Variants in CNTN4 observed in about 807,000 individuals in gnomAD.
CNTN4 encodes the protein contactin-4.
CNTN4 carries 77 observed loss-of-function variants against 122.5 expected under a neutral mutation model. That is an observed-to-expected ratio of 0.63 (90% confidence interval 0.52 to 0.76). CNTN4 has a LOEUF of 0.76. Among genes scored for constraint, CNTN4 ranks in the 30% least tolerant of loss-of-function variants. The pLI, the probability that CNTN4 is intolerant of heterozygous loss-of-function variation, is 0.00. For missense variants in CNTN4, 1,256 were observed against 1,259.1 expected (o/e 1.00, Z 0.04); for synonymous variants, 512 against 447.0 (o/e 1.15, Z -1.83).
intron 4 of CNTN4, among the ~76,000 whole-genome samples, chr3:2,698,039 C>T (rs972223525): frequency 8.5e-5 from 13 of 152,276 alleles, no homozygotes; most frequent in Middle Eastern, 3.4e-3. Flanking sequence ...GATAGCCAAG[C>T]CAAGTTAACA....
chr3:2,232,064 TA>T (rs971807944), intron 2 of CNTN4, among the ~76,000 whole-genome samples: 1 of 152,112 alleles, frequency 6.6e-6, no homozygotes, highest in Non-Finnish European at 1.5e-5. Context: ...GTACTTTTCT[TA>T]AACCTTCGTG....
At chr3:2,260,062 GGCTACAATTACAGTTTTGTATAATT>G (rs1278137497) in intron 2 of CNTN4, among the ~76,000 whole-genome samples, 1 of 152,010 alleles carries the variant, frequency 6.6e-6, no homozygotes, top group Non-Finnish European at 1.5e-5. Flanking sequence ...TAAGATCCTT[GGCTACAATTACAGTTTTGTATAATT>G]TAGAGAGCAC....
chr3:2,962,915 C>T (rs1290180007), intron 13 of CNTN4, among the ~76,000 whole-genome samples: 3 of 152,190 alleles, frequency 2.0e-5, no homozygotes, highest in Non-Finnish European at 2.9e-5. Context: ...TCCTTAGCTG[C>T]CCTCTTAGTT....
chr3:2,472,794 TAG>T, intron 3 of CNTN4, among the ~76,000 whole-genome samples: 1 of 152,314 alleles, frequency 6.6e-6, no homozygotes, highest in Admixed American at 6.5e-5. Context: ...GAAGAAGTTG[TAG>T]AGAGAACCAT....
Position 2,916,539 on chromosome 3 carries a change from C to G in CNTN4, c.1208-9090C>G, listed in dbSNP as rs145555186. On this transcript the variant is annotated intron_variant, in intron 12 of 24. Coordinates refer to ENST00000418658, the MANE Select transcript of CNTN4 (RefSeq NM_175607.3). Reference sequence around the variant, plus strand: ...TGGGGGTAAGGCCATAGATTAACAGCATCCCAAGGCAGAAGAATTTTTCTT... The same window carrying G: ...TGGGGGTAAGGCCATAGATTAACAGGATCCCAAGGCAGAAGAATTTTTCTT... Among the ~76,000 whole-genome samples, 1,366 of 142,010 alleles carry G rather than the reference C, an allele frequency of 9.6e-3. 11 individuals carry two copies. The highest frequency in any genetic ancestry group is 0.056 in the Middle Eastern group (16 of 288). 93.2% of individuals were successfully genotyped at this position (142,010 alleles called of 152,430 possible). A position where few individuals can be genotyped will look rare whatever the true frequency, so the allele number is the denominator to read the frequency against.
intron 7 of CNTN4, among the ~76,000 whole-genome samples, chr3:2,848,657 C>G (rs2093496432): frequency 1.3e-5 from 2 of 152,252 alleles, no homozygotes; most frequent in African/African-American, 4.8e-5. Context: ...TAGGATCTCT[C>G]TATCATCTCT....
intron 6 of CNTN4, among the ~76,000 whole-genome samples, chr3:2,804,340 G>C (rs1202722246): frequency 6.6e-6 from 1 of 152,076 alleles, no homozygotes; most frequent in Non-Finnish European, 1.5e-5. Context: ...AAAACCATCA[G>C]GTTATCTGGA....
intron 3 of CNTN4, among the ~76,000 whole-genome samples, chr3:2,490,615 C>T (rs970264452): frequency 1.3e-5 from 2 of 152,148 alleles, no homozygotes; most frequent in African/African-American, 4.8e-5. Context: ...TATTTGTGCA[C>T]TAAGCAACAT....
intron 3 of CNTN4, among the ~76,000 whole-genome samples, chr3:2,370,260 A>C (rs759010591): frequency 2.0e-5 from 3 of 152,204 alleles, no homozygotes; most frequent in Admixed American, 1.3e-4. Context: ...ATACAAGCCC[A>C]GTGTTAGCTA....
chr3:2,648,686 C>T (rs566278874), intron 4 of CNTN4, among the ~76,000 whole-genome samples: 29 of 152,200 alleles, frequency 1.9e-4, no homozygotes, highest in South Asian at 1.7e-3. Context: ...CTAACCCCAC[C>T]GTGGCCCCTA....
chr3:2,757,571 C>A (rs1266997396), intron 6 of CNTN4, among the ~76,000 whole-genome samples: 2 of 152,190 alleles, frequency 1.3e-5, no homozygotes, highest in Non-Finnish European at 2.9e-5. Flanking sequence ...CCCAGAAAGT[C>A]CCTGTGCTAG....
intron 3 of CNTN4, among the ~76,000 whole-genome samples, chr3:2,383,321 G>C (rs184482108): frequency 3.1e-4 from 47 of 152,226 alleles, no homozygotes; most frequent in Admixed American, 1.2e-3. Context: ...ACAGTAATGA[G>C]TAACCATTTA....
intron 2 of CNTN4, among the ~76,000 whole-genome samples, chr3:2,229,665 GAGTA>G (rs2039412774): frequency 6.6e-6 from 1 of 151,380 alleles, no homozygotes; most frequent in Admixed American, 6.6e-5. Flanking sequence ...AAATAAATAA[GAGTA>G]AGTATTATTA....
intron 4 of CNTN4, among the ~76,000 whole-genome samples, chr3:2,677,187 A>C (rs930168601): frequency 6.7e-6 from 1 of 149,666 alleles, no homozygotes; most frequent in Non-Finnish European, 1.5e-5. Flanking sequence ...GTATATATAT[A>C]GATATATCTC....
intron 4 of CNTN4, among the ~76,000 whole-genome samples, chr3:2,698,343 A>T (rs1413406853): frequency 6.6e-6 from 1 of 152,094 alleles, no homozygotes; most frequent in African/African-American, 2.4e-5. Context: ...TGAGTTTCTG[A>T]TTAAGCCTGT....
intron 4 of CNTN4, among the ~76,000 whole-genome samples, chr3:2,653,080 T>A (rs2083437430): frequency 6.6e-6 from 1 of 152,128 alleles, no homozygotes; most frequent in South Asian, 2.1e-4. Context: ...ATGAAGCTAA[T>A]TTTTTTGTGT....
At chr3:2,512,094 G>A (rs867714960) in intron 3 of CNTN4, among the ~76,000 whole-genome samples, 2 of 152,144 alleles carry the variant, frequency 1.3e-5, no homozygotes, top group African/African-American at 2.4e-5. Flanking sequence ...AGAAGTGCCT[G>A]TATTTCCAGA....
intron 3 of CNTN4, among the ~76,000 whole-genome samples, chr3:2,481,031 T>TC (rs2075978418): frequency 6.8e-5 from 8 of 116,894 alleles, no homozygotes; most frequent in South Asian, 3.1e-4. Flanking sequence ...CTTTTCTTTT[T>TC]CTTTTCTTTC....
chr3:2,199,558 T>C (rs7635822), intron 2 of CNTN4, among the ~76,000 whole-genome samples: 3,696 of 152,324 alleles, frequency 0.024, 139 homozygotes, highest in African/African-American at 0.085. Flanking sequence ...AATGATTCGT[T>C]ATTATTTAAT....
Sources: allele counts gnomAD v4.1 joint callset (sites outside exome capture counted in the v4.1 genomes callset), GRCh38; gene constraint gnomAD v4.1.1; transcripts MANE v1.5; gene names NCBI Gene and HGNC (gene_info 2026-07-23, HGNC 2026-07-21).